Variants in RASSF6 observed in about 807,000 individuals in gnomAD.
RASSF6 encodes the protein ras association domain-containing protein 6.
RASSF6 carries 52 observed loss-of-function variants against 44.0 expected under a neutral mutation model. The observed-to-expected ratio is 1.18, with a 90% CI of 0.95 to 1.49. RASSF6 has a LOEUF of 1.49. RASSF6 is among the 40% of genes most tolerant of loss of function. The pLI, the probability that RASSF6 is intolerant of heterozygous loss-of-function variation, is 0.00. For synonymous variants in RASSF6, 162 were observed against 124.6 expected (o/e 1.30, Z -2.00); for missense variants, 464 against 393.3 (o/e 1.18, Z -1.52).
At chr4:73,605,258 C>T (rs1346675750) in intron 2 of RASSF6, among the ~76,000 whole-genome samples, 1 of 152,108 alleles carries the variant, frequency 6.6e-6, no homozygotes, top group Non-Finnish European at 1.5e-5. Flanking sequence ...ATGTAATATA[C>T]ACTCTTGTAT....
intron 3 of RASSF6, among the ~76,000 whole-genome samples, chr4:73,595,252 T>C (rs1644902606): frequency 6.6e-6 from 1 of 152,206 alleles, no homozygotes; most frequent in South Asian, 2.1e-4. Context: ...TGGAGTACAG[T>C]GGTGTGATCT....
chr4:73,615,794 C>T, intron 1 of RASSF6: 1 of 926,202 alleles, frequency 1.1e-6, no homozygotes, highest in Non-Finnish European at 1.7e-6. Flanking sequence ...CCTGAGGAGG[C>T]AGTGTTGGGC....
intron 2 of RASSF6, among the ~76,000 whole-genome samples, chr4:73,603,194 G>C (rs1475463016): frequency 2.0e-5 from 3 of 152,166 alleles, no homozygotes; most frequent in Non-Finnish European, 4.4e-5. Context: ...CTTGGTTTTT[G>C]GAACGTGAAA....
chr4:73,609,126 G>A (rs1445731797), intron 2 of RASSF6, among the ~76,000 whole-genome samples: 1 of 152,192 alleles, frequency 6.6e-6, no homozygotes, highest in Non-Finnish European at 1.5e-5. Context: ...TTACTAAGTA[G>A]CAGAAAAAGT....
chr4:73,620,168 C>T, intron 1 of RASSF6, 120 bp downstream of exon 1: 1 of 534,826 alleles, frequency 1.9e-6, no homozygotes, highest in Non-Finnish European at 3.1e-6. Flanking sequence ...GCGATTCAGG[C>T]TGCTATGACA....
At chr4:73,601,011 C>A (rs975733497) in intron 2 of RASSF6, among the ~76,000 whole-genome samples, 2 of 152,202 alleles carry the variant, frequency 1.3e-5, no homozygotes, top group Non-Finnish European at 2.9e-5. Flanking sequence ...GGATGCAACT[C>A]CTGATATGCT....
At chr4:73,600,656 A>G (rs914111533) in intron 2 of RASSF6, among the ~76,000 whole-genome samples, 1 of 152,166 alleles carries the variant, frequency 6.6e-6, no homozygotes. Context: ...GTATGTTGCC[A>G]TTGGCTTTTT....
chr4:73,581,859 T>C lies in RASSF6; in HGVS notation c.679A>G (p.Ser227Gly), dbSNP rs1346706259. 1 of 1,610,074 alleles carries C rather than the reference T, an allele frequency of 6.2e-7. No homozygotes were observed. The highest frequency in any genetic ancestry group is 1.1e-5 in the South Asian group (1 of 90,804). Reference protein sequence around the residue: ...QLLQKFKIENSPQDFALHIIF... With the variant: ...QLLQKFKIENGPQDFALHIIF... ...ATGTGAAGAGCAAAATCCTGGGGAC[T>C]ATTTTCAATCTGTCAAGGGAAAAAA... Residue 227 changes from serine to glycine, a missense_variant, in exon 8 of 11, where the codon AGT becomes GGT. Coordinates refer to ENST00000307439, the MANE Select transcript of RASSF6 (RefSeq NM_177532.5).
At chr4:73,590,063 A>G (rs1052580035) in intron 4 of RASSF6, among the ~76,000 whole-genome samples, 4 of 152,204 alleles carry the variant, frequency 2.6e-5, no homozygotes, top group Non-Finnish European at 5.9e-5. Flanking sequence ...AGCAAACACA[A>G]CCTTAACAAG....
In RASSF6 at chr4:73,573,598, T is replaced by C. The variant is rs1723033629; in HGVS notation, c.*2637A>G. On this transcript the variant is annotated 3_prime_UTR_variant, in exon 11 of 11. Coordinates refer to ENST00000307439, the MANE Select transcript of RASSF6 (RefSeq NM_177532.5). ...TAGAATTATAGGATAAACAGACTAC[T>C]AAATTGCCTTCAAGAAAAATTATAT... 1 of 152,272 alleles carries C rather than the reference T, an allele frequency of 6.6e-6. No individual in the cohort carries two copies. The allele number at this position is 152,272 out of a possible 1,614,324, so 9.4% of individuals were successfully genotyped here.
rs747774396 is a variant in RASSF6 at position 73,588,817 on chromosome 4, T to TCATCAC, written c.288-884_288-883insGTGATG. On this transcript the variant is annotated intron_variant, in intron 4 of 10. Coordinates refer to ENST00000307439, the MANE Select transcript of RASSF6 (RefSeq NM_177532.5). ...ATCATCATCATCATCATCATCATCA[T>TCATCAC]CACCAGCATCTGTATCTATTTCATT... Among the ~76,000 whole-genome samples the TCATCAC allele has an allele frequency of 1.3e-3, 192 of 151,660 alleles. 1 individual carries two copies. The highest frequency in any genetic ancestry group is 2.2e-3 in the Non-Finnish European group (151 of 67,864).
chr4:73,582,189 C>T lies in RASSF6; in HGVS notation c.669G>A (p.Lys223=). ...EVIKQLLQKF[K]IENSPQDFAL... The stretch of plus-strand genomic sequence containing the variant: ...AGCTCAGTTAAGTGATAAAGGTTAC[C>T]TTAAATTTTTGGAGAAGTTGCTTTA... Residue 223 remains lysine, a splice_region_variant and synonymous_variant, in exon 7 of 11, where the codon AAG becomes AAA. Transcript: ENST00000307439. The T allele has an allele frequency of 6.9e-7, 1 of 1,456,406 alleles. No individual in the cohort carries two copies. The highest frequency in any genetic ancestry group is 9.5e-7 in the Non-Finnish European group (1 of 1,052,026). The allele number at this position is 1,456,406 out of a possible 1,614,324, so 90.2% of individuals were successfully genotyped here. A position where few individuals can be genotyped will look rare whatever the true frequency, so the allele number is the denominator to read the frequency against.
In RASSF6 at chr4:73,597,100, A is replaced by G. The variant is rs571871636; in HGVS notation, c.144+1540T>C. Among the ~76,000 whole-genome samples the G allele has an allele frequency of 8.5e-5, 13 of 152,370 alleles. No individual in the cohort carries two copies. The East Asian group carries it at 2.3e-3, about 27-fold the overall frequency. ...GATGAAGATGCCAAAAGCAATTGCAACAAAACCAAAAATTGGCAAATGGGA... is the reference window on the plus strand; with the variant it reads ...GATGAAGATGCCAAAAGCAATTGCAGCAAAACCAAAAATTGGCAAATGGGA... On this transcript the variant is annotated intron_variant, in intron 3 of 10. Coordinates refer to ENST00000307439, the MANE Select transcript of RASSF6 (RefSeq NM_177532.5).
rs147733632 is a variant in RASSF6, at chr4:73,586,501, C to A, written c.383-1137G>T. Among the ~76,000 whole-genome samples, 882 of 151,920 alleles carry A rather than the reference C, an allele frequency of 5.8e-3. 10 individuals carry two copies. The highest frequency in any genetic ancestry group is 9.4e-3 in the Non-Finnish European group (635 of 67,894). On this transcript the variant is annotated intron_variant, in intron 5 of 10. Coordinates refer to ENST00000307439, the MANE Select transcript of RASSF6 (RefSeq NM_177532.5). ...AAGATTCAAACCTGCCTTCTGCCCC[C>A]CTTTCTGCTTGTATACAATTGATAG...
rs372725951 is a variant in RASSF6, at chr4:73,592,385, G to A, written c.287+1066C>T. On this transcript the variant is annotated intron_variant, in intron 4 of 10. Transcript: ENST00000307439. The stretch of plus-strand genomic sequence containing the variant: ...TGCCAGCTCATCTAACAATGGATGC[G>A]AGGATGAATGGTGGGAAAAGAAGGC... 7.9e-5 allele frequency among the ~76,000 whole-genome samples: 12 copies of A among 152,282 alleles called. No homozygotes were observed. In the East Asian group the frequency reaches 1.3e-3, roughly 17 times the overall value.
chr4:73,581,967 T>A, intron 7 of RASSF6, 99 bp from the exon 8 acceptor site: 1 of 921,906 alleles, frequency 1.1e-6, no homozygotes, highest in Non-Finnish European at 1.7e-6. Flanking sequence ...TCTCTTCCAT[T>A]TTTCACTTTT....
intron 8 of RASSF6, 79 bp from the exon 9 acceptor site, chr4:73,576,810 T>G: frequency 1.1e-6 from 1 of 930,648 alleles, no homozygotes; most frequent in African/African-American, 1.7e-5. Context: ...CCAATTTATT[T>G]TTCGTATTTA....
At chr4:73,618,980 AG>A (rs1726538055) in intron 1 of RASSF6, among the ~76,000 whole-genome samples, 1 of 152,240 alleles carries the variant, frequency 6.6e-6, no homozygotes, top group African/African-American at 2.4e-5. Flanking sequence ...TTTAAGCTTA[AG>A]AGGTAGAGAC....
intron 6 of RASSF6, 45 bp from the exon 7 acceptor site, chr4:73,582,335 T>C (rs908683648): frequency 3.1e-6 from 3 of 973,620 alleles, no homozygotes; most frequent in Admixed American, 2.4e-5. Flanking sequence ...TATATTATAT[T>C]AAGGGTATTC....
Sources: allele counts gnomAD v4.1 joint callset (sites outside exome capture counted in the v4.1 genomes callset), GRCh38; gene constraint gnomAD v4.1.1; transcripts MANE v1.5; gene names NCBI Gene and HGNC (gene_info 2026-07-23, HGNC 2026-07-21).